Variants in NEDD1 observed in about 807,000 individuals in gnomAD.
The protein encoded by NEDD1 is NEDD1 gamma-tubulin ring complex targeting factor.
A neutral mutation model predicts 74.0 loss-of-function variants in NEDD1; 33 were observed. The observed-to-expected ratio is 0.45, with a 90% confidence interval of 0.34 to 0.60. The LOEUF (loss-of-function observed/expected upper bound fraction) is 0.60, where lower values mean the gene tolerates loss of function less well. Ranked by LOEUF, NEDD1 falls within the 20% of genes least tolerant of loss-of-function variation. NEDD1 has a pLI of 0.01. For missense variants in NEDD1, 746 were observed against 776.5 expected, an observed-to-expected ratio of 0.96 and a Z score of 0.47; for synonymous variants, 250 against 264.4, an observed-to-expected ratio of 0.95 and a Z score of 0.53.
At chr12:96,925,280 T>C (rs1207830392) in intron 6 of NEDD1, among the ~76,000 whole-genome samples, 1 of 152,120 alleles carries the variant, frequency 6.6e-6, no homozygotes, top group African/African-American at 2.4e-5. Flanking sequence ...GACCAGAGAA[T>C]GTGGTGAGAG....
chr12:96,928,681 C>CTTTTTTTTTTTT (rs34575410), intron 6 of NEDD1, among the ~76,000 whole-genome samples: 6 of 87,644 alleles, frequency 6.8e-5, no homozygotes, highest in East Asian at 3.3e-4. Flanking sequence ...TAGTGTGTTT[C>CTTTTTTTTTTTT]TTTTTTTTTT....
intron 6 of NEDD1, among the ~76,000 whole-genome samples, chr12:96,927,434 G>A (rs1875833815): frequency 6.6e-6 from 1 of 152,166 alleles, no homozygotes; most frequent in African/African-American, 2.4e-5. Flanking sequence ...CAGAACTCCC[G>A]GGCTGACAGA....
intron 14 of NEDD1, 93 bp from the exon 15 acceptor site, chr12:96,951,339 A>G (rs1194459642): frequency 1.6e-6 from 1 of 641,372 alleles, no homozygotes; most frequent in Admixed American, 2.6e-5. Context: ...ACATTCAGTA[A>G]TTTGGCAAAT....
chr12:96,948,147 G>A (rs1478663648), intron 14 of NEDD1, among the ~76,000 whole-genome samples: 1 of 152,070 alleles, frequency 6.6e-6, no homozygotes, highest in Non-Finnish European at 1.5e-5. Context: ...TGCCTTAGAG[G>A]GGTTACTCTC....
chr12:96,907,424 C>G, intron 1 of NEDD1, 124 bp downstream of exon 1: 1 of 537,768 alleles, frequency 1.9e-6, no homozygotes, highest in Admixed American at 3.7e-5. Context: ...CTTTGCGCGC[C>G]CGGAGCGGTT....
chr12:96,923,126 A>G (rs1875289672), intron 6 of NEDD1, among the ~76,000 whole-genome samples: 1 of 152,080 alleles, frequency 6.6e-6, no homozygotes, highest in African/African-American at 2.4e-5. Context: ...CAAAAGAAAA[A>G]AAAAAGCAAG....
intron 6 of NEDD1, among the ~76,000 whole-genome samples, chr12:96,930,105 G>A (rs1387009551): frequency 1.3e-5 from 2 of 148,308 alleles, no homozygotes; most frequent in African/African-American, 2.5e-5. Context: ...TGTTGTAAAT[G>A]TTGTCCGTGG....
intron 6 of NEDD1, among the ~76,000 whole-genome samples, chr12:96,920,988 A>G (rs887643157): frequency 1.3e-5 from 2 of 152,194 alleles, no homozygotes; most frequent in African/African-American, 4.8e-5. Flanking sequence ...TGAGTAAGTG[A>G]TATAAAACAG....
chr12:96,913,275 G>T (rs532342679), intron 4 of NEDD1, among the ~76,000 whole-genome samples: 24 of 152,214 alleles, frequency 1.6e-4, no homozygotes, highest in Non-Finnish European at 2.9e-4. Flanking sequence ...GCCTGTCTGA[G>T]CCTCCCCCAT....
intron 1 of NEDD1, 49 bp from the exon 2 acceptor site, chr12:96,907,555 A>G (rs1427309505): frequency 1.3e-6 from 2 of 1,529,206 alleles, no homozygotes; most frequent in Non-Finnish European, 1.8e-6. Flanking sequence ...CCTCGTCTCC[A>G]CAAGTCTGTC....
At chr12:96,944,466 T>G (rs1185086304) in intron 12 of NEDD1, among the ~76,000 whole-genome samples, 173 bp from the exon 13 acceptor site, 1 of 152,000 alleles carries the variant, frequency 6.6e-6, no homozygotes, top group African/African-American at 2.4e-5. Context: ...TAAGTGTTAC[T>G]TTATTTTGCC....
Position 96,936,683 on chromosome 12 carries a change from T to C in NEDD1, c.792T>C (p.Ala264=). 3 of 1,613,774 alleles carry C rather than the reference T, an allele frequency of 1.9e-6. No homozygotes were observed. The highest frequency in any genetic ancestry group is 2.5e-6 in the Non-Finnish European group (3 of 1,179,690). The part of the protein sequence containing the change: ...VDFMPDGATL[A]IGSSRGKIYQ... ...TCATGCCTGATGGAGCCACTTTGGC[T>C]ATTGGATCTTCCCGGGGGAAAATAT... Residue 264 remains alanine, a synonymous_variant, in exon 8 of 16, where the codon GCT becomes GCC. Transcript: ENST00000266742.
chr12:96,950,812 A>G (rs1484068891), intron 14 of NEDD1, among the ~76,000 whole-genome samples: 1 of 151,892 alleles, frequency 6.6e-6, no homozygotes, highest in Non-Finnish European at 1.5e-5. Context: ...GTTCTAGTTC[A>G]TAAGTTGTGT....
chr12:96,935,433 T>G (rs567417938), intron 7 of NEDD1, among the ~76,000 whole-genome samples: 2 of 152,210 alleles, frequency 1.3e-5, no homozygotes, highest in Non-Finnish European at 2.9e-5. Context: ...GATGACATCT[T>G]AATGATTTCA....
chr12:96,942,740 A>G, intron 11 of NEDD1, 116 bp downstream of exon 11: 1 of 651,614 alleles, frequency 1.5e-6, no homozygotes, highest in Non-Finnish European at 2.8e-6. Context: ...TTATCGTCTC[A>G]TAATTTCTGT....
rs80186010 is a variant in NEDD1, at chr12:96,930,784, A to G, written c.490-4192A>G. Reference sequence around the variant, plus strand: ...ACCCTGAGTGTGGGACTTTTTAAAGATAGACAGTCTCAGGCCTGCTTTTCT... The same window carrying G: ...ACCCTGAGTGTGGGACTTTTTAAAGGTAGACAGTCTCAGGCCTGCTTTTCT... On this transcript the variant is annotated intron_variant, in intron 6 of 15. Coordinates refer to ENST00000266742, the MANE Select transcript of NEDD1 (RefSeq NM_152905.4). Among the ~76,000 whole-genome samples the G allele has an allele frequency of 1.0e-2, 1,517 of 152,234 alleles. 65 individuals carry two copies. Among genetic ancestry groups the G allele is most frequent in the East Asian group, 0.094 (487 of 5,170 alleles).
chr12:96,920,891 T>A (rs1460372424), intron 6 of NEDD1, among the ~76,000 whole-genome samples: 1 of 152,130 alleles, frequency 6.6e-6, no homozygotes, highest in African/African-American at 2.4e-5. Context: ...GCTTAAAAAA[T>A]TTAGTGGATA....
At chr12:96,934,422 G>T (rs989978730) in intron 6 of NEDD1, among the ~76,000 whole-genome samples, 1 of 151,506 alleles carries the variant, frequency 6.6e-6, no homozygotes, top group Non-Finnish European at 1.5e-5. Flanking sequence ...TCAGGTATTG[G>T]TATGTCATCT....
chr12:96,930,211 A>ACTCTCT lies in NEDD1; in HGVS notation c.490-4737_490-4732dup, dbSNP rs143562580. 9.7e-4 allele frequency among the ~76,000 whole-genome samples: 87 copies of ACTCTCT among 89,252 alleles called. 1 individual carries two copies. The highest frequency in any genetic ancestry group is 2.5e-3 in the South Asian group (6 of 2,402). The allele number at this position is 89,252 out of a possible 152,430, so 58.6% of individuals were successfully genotyped here. On this transcript the variant is annotated intron_variant, in intron 6 of 15. Transcript: ENST00000266742. ...CACACACACACACACACACACACAC[A>ACTCTCT]CTCTCTCTCTCTCTCTCTCTCTCTC...
Sources: gnomAD v4.1 joint callset for allele counts (sites outside exome capture counted in the v4.1 genomes callset) on GRCh38, gnomAD v4.1.1 for gene constraint, MANE v1.5 for transcripts, NCBI Gene and HGNC (gene_info 2026-07-23, HGNC 2026-07-21) for gene names.